PRDM12: variants seen among roughly 807,000 people sequenced by gnomAD.
PRDM12 encodes the protein PR domain zinc finger protein 12.
A neutral mutation model predicts 29.6 loss-of-function variants in PRDM12; 17 were observed. That is an observed-to-expected ratio of 0.57 (90% confidence interval 0.39 to 0.86). The LOEUF is 0.86. PRDM12 is among the 40% of genes least tolerant of loss of function. PRDM12 has a pLI of 0.00. For synonymous variants in PRDM12, 231 were observed against 225.8 expected, an observed-to-expected ratio of 1.02 and a Z score of -0.21; for missense variants, 422 against 510.8, an observed-to-expected ratio of 0.83 and a Z score of 1.68.
chr9:130,676,912 CT>C (rs112791889), intron 3 of PRDM12, among the ~76,000 whole-genome samples: 2,250 of 149,546 alleles, frequency 0.015, 48 homozygotes, highest in African/African-American at 0.049. Flanking sequence ...CCTTCTTCTT[CT>C]TTTTTTTTTC....
rs1830915003 is a variant in PRDM12, at chr9:130,682,383, G to A, written c.*714G>A. 6.6e-6 allele frequency: 1 copy of A among 152,344 alleles called. No homozygotes were observed. The highest frequency in any genetic ancestry group is 6.5e-5 in the Admixed American group (1 of 15,270). 9.4% of individuals were successfully genotyped at this position (152,344 alleles called of 1,614,324 possible). A position where few individuals can be genotyped will look rare whatever the true frequency, so the allele number is the denominator to read the frequency against. Reference sequence around the variant, plus strand: ...GGCACGTTGAGAGTGGAGGCACAATGGAAATCCTCTGTGGGACCCCGAGCA... The same window carrying A: ...GGCACGTTGAGAGTGGAGGCACAATAGAAATCCTCTGTGGGACCCCGAGCA... On this transcript the variant is annotated 3_prime_UTR_variant, in exon 5 of 5. Transcript: ENST00000253008. This position sits in a 1 kb window ranked among gnomAD's most constrained non-coding sequence, Gnocchi z 4.2.
chr9:130,673,914 G>A (rs571484022), intron 3 of PRDM12, among the ~76,000 whole-genome samples: 14 of 151,102 alleles, frequency 9.3e-5, no homozygotes, highest in African/African-American at 2.7e-4. Context: ...CAGGTGATTC[G>A]CCCACCTTGG....
In PRDM12 at chr9:130,664,782, C is replaced by A; in HGVS notation, c.129C>A (p.Asn43Lys). 6.2e-7 allele frequency: 1 copy of A among 1,603,428 alleles called. No individual in the cohort carries two copies. The highest frequency in any genetic ancestry group is 8.5e-7 in the Non-Finnish European group (1 of 1,176,446). The change falls in exon 1 of 5, where the codon AAC becomes AAA. Residue 43 changes from asparagine (N) to lysine (K), a missense_variant. This residue lies in a region of PRDM12 where 300 missense variants were observed against 350.0 expected (regional missense o/e 0.86). Coordinates refer to ENST00000253008, the MANE Select transcript of PRDM12 (RefSeq NM_021619.3). This position sits in a 1 kb window ranked among gnomAD's most constrained non-coding sequence, Gnocchi z 6.4. ...GCTTCCTGTACGGCCGCTGGCGCAA[C>A]GTGCTCGGGGAGCAGCTCTTCGAGG... Reference protein sequence around the residue: ...LHSFLYGRWRNVLGEQLFEDK... With the variant: ...LHSFLYGRWRKVLGEQLFEDK...
intron 3 of PRDM12, among the ~76,000 whole-genome samples, chr9:130,671,415 A>ACACG (rs1830788614): frequency 1.3e-5 from 2 of 150,234 alleles, no homozygotes; most frequent in Non-Finnish European, 3.0e-5. Flanking sequence ...ACACACACAC[A>ACACG]CACTGTATCA....
At chr9:130,678,382 G>A in intron 3 of PRDM12, 147 bp from the exon 4 acceptor site, 1 of 610,906 alleles carries the variant, frequency 1.6e-6, no homozygotes, top group Non-Finnish European at 2.9e-6. Context: ...AGCTTCCCGG[G>A]ACAGCTCAGT....
At chr9:130,671,420 G>T (rs1293771983) in intron 3 of PRDM12, among the ~76,000 whole-genome samples, 1 of 119,660 alleles carries the variant, frequency 8.4e-6, no homozygotes, top group African/African-American at 2.9e-5. Context: ...CACACACACT[G>T]TATCACATAT....
At chr9:130,671,810 G>A (rs1029181761) in intron 3 of PRDM12, among the ~76,000 whole-genome samples, 2 of 152,202 alleles carry the variant, frequency 1.3e-5, no homozygotes, top group South Asian at 2.1e-4. Context: ...GACCTCTGCT[G>A]TGATGTTTTC....
intron 3 of PRDM12, among the ~76,000 whole-genome samples, chr9:130,671,374 GACACACACACACACACACACACACAC>G (rs56920587): frequency 7.4e-6 from 1 of 135,644 alleles, no homozygotes; most frequent in Admixed American, 7.5e-5. Context: ...AGAGGATCAG[GACACACACACACACACACACACACAC>G]ACACACACAC....
intron 3 of PRDM12, among the ~76,000 whole-genome samples, chr9:130,673,311 G>A (rs1830805792): frequency 6.6e-6 from 1 of 152,202 alleles, no homozygotes; most frequent in African/African-American, 2.4e-5. Context: ...AGAAGCTGCA[G>A]GTTCCTGGGT....
chr9:130,679,401 T>G (rs558471590), intron 4 of PRDM12, among the ~76,000 whole-genome samples: 4 of 149,040 alleles, frequency 2.7e-5, no homozygotes, highest in African/African-American at 1.0e-4. Flanking sequence ...GGCGTGATCT[T>G]GGCTCATTGC....
intron 3 of PRDM12, among the ~76,000 whole-genome samples, chr9:130,671,389 A>G (rs1830787988): frequency 6.6e-6 from 1 of 151,268 alleles, no homozygotes; most frequent in African/African-American, 2.4e-5. Context: ...ACACACACAC[A>G]CACACACACA....
chr9:130,667,728 G>A (rs1000537767), intron 2 of PRDM12, among the ~76,000 whole-genome samples: 1 of 152,154 alleles, frequency 6.6e-6, no homozygotes, highest in Non-Finnish European at 1.5e-5. Flanking sequence ...AGGCCAAGCT[G>A]GAGTGCCACA....
In PRDM12 at chr9:130,668,077, A is replaced by AGT. The variant is rs1830749822; in HGVS notation, c.415-71_415-70dup. 88 of 1,481,848 alleles carry AGT rather than the reference A, an allele frequency of 5.9e-5. No homozygotes were observed. Among genetic ancestry groups the AGT allele is most frequent in the Non-Finnish European group, 7.0e-5 (75 of 1,073,076 alleles). 91.8% of individuals were successfully genotyped at this position (1,481,848 alleles called of 1,614,324 possible). A position where few individuals can be genotyped will look rare whatever the true frequency, so the allele number is the denominator to read the frequency against. Reference sequence around the variant, plus strand: ...TCCTGGGGCTGTTGTGAGGATGGAGAGTGTGTGTGTGGATGTGCCTGGAAG... The same window carrying AGT: ...TCCTGGGGCTGTTGTGAGGATGGAGAGTGTGTGTGTGTGGATGTGCCTGGAAG... On this transcript the variant is annotated intron_variant, in intron 2 of 4. Coordinates refer to ENST00000253008, the MANE Select transcript of PRDM12 (RefSeq NM_021619.3). This position sits in a 1 kb window ranked among gnomAD's most constrained non-coding sequence, Gnocchi z 4.0.
chr9:130,678,791 G>A (rs572038496), intron 4 of PRDM12, 151 bp downstream of exon 4: 5 of 644,384 alleles, frequency 7.8e-6, no homozygotes, highest in Non-Finnish European at 1.3e-5. Context: ...AGACATACAG[G>A]TCCAAGGAGG....
In PRDM12 at chr9:130,674,532, GTA is replaced by G. The variant is rs10667683; in HGVS notation, c.571-3994_571-3993del. 6.3e-3 allele frequency among the ~76,000 whole-genome samples: 907 copies of G among 144,764 alleles called. 9 individuals carry two copies. The highest frequency in any genetic ancestry group is 0.01 in the Middle Eastern group (3 of 286). 95.0% of individuals were successfully genotyped at this position (144,764 alleles called of 152,430 possible). ...TGTGTGTGTGTGTGTGTGTGTGTGT[GTA>G]TAGAAGTAATATGTGCTCATTATTT... On this transcript the variant is annotated intron_variant, in intron 3 of 4. Coordinates refer to ENST00000253008, the MANE Select transcript of PRDM12 (RefSeq NM_021619.3).
Position 130,681,145 on chromosome 9 carries a change from C to A in PRDM12, c.683-103C>A. ...CCCTCAAGGACGGACCGGCCCCGGG[C>A]TGGGGGCGCTGAGGGCCCGGGCTGC... On this transcript the variant is annotated intron_variant, in intron 4 of 4. Transcript: ENST00000253008. The surrounding 1 kb of genome is among the most constrained non-coding windows in gnomAD (Gnocchi z 8.1). The A allele has an allele frequency of 8.2e-7, 1 of 1,212,284 alleles. No homozygotes were observed. Among genetic ancestry groups the A allele is most frequent in the Non-Finnish European group, 1.1e-6 (1 of 933,132 alleles). 75.1% of individuals were successfully genotyped at this position (1,212,284 alleles called of 1,614,324 possible). A position where few individuals can be genotyped will look rare whatever the true frequency, so the allele number is the denominator to read the frequency against.
rs1476750147 is a variant in PRDM12 at position 130,666,657 on chromosome 9, T to C, written c.273T>C (p.Ala91=). The change falls in exon 2 of 5, where the codon GCT becomes GCC. Residue 91 remains alanine (A), a synonymous_variant. Transcript: ENST00000253008. ...TGCTGCCTGCGGAGGTGATCATCGC[T>C]CAGAGCTCCATCCCTGGCGAGGGCC... ...SLVLPAEVII[A]QSSIPGEGLG... is the part of the protein sequence containing the mutation. The C allele has an allele frequency of 3.1e-6, 5 of 1,613,070 alleles. No homozygotes were observed. The African/African-American group carries it at 5.3e-5, about 17-fold the overall frequency.
Position 130,681,393 on chromosome 9 carries a change from C to T in PRDM12, c.828C>T (p.Cys276=). The T allele has an allele frequency of 6.3e-7, 1 of 1,593,826 alleles. No individual in the cohort carries two copies. The change falls in exon 5 of 5, where the codon TGC becomes TGT. Residue 276 remains cysteine (C), a synonymous_variant. Transcript: ENST00000253008. The surrounding 1 kb of genome is among the most constrained non-coding windows in gnomAD (Gnocchi z 8.1). ...TLDKPFVCRF[C]NRRFSQSSTL... is the part of the protein sequence containing the mutation. ...ACAAGCCCTTCGTGTGCCGCTTCTG[C>T]AACCGCCGCTTCAGCCAGTCGTCCA...
chr9:130,668,603 G>A lies in PRDM12; in HGVS notation c.570+290G>A, dbSNP rs1267398268. On this transcript the variant is annotated intron_variant, in intron 3 of 4. Coordinates refer to ENST00000253008, the MANE Select transcript of PRDM12 (RefSeq NM_021619.3). This position sits in a 1 kb window ranked among gnomAD's most constrained non-coding sequence, Gnocchi z 4.0. ...GAGCATCTCCATAGTGAGGTCCCCA[G>A]ATGTTGGCTGACAGTTTCCTGAGGT... is the stretch of plus-strand genomic sequence containing the variant. Among the ~76,000 whole-genome samples, 1 of 152,258 alleles carries A rather than the reference G, an allele frequency of 6.6e-6. No individual in the cohort carries two copies. Among genetic ancestry groups the A allele is most frequent in the Non-Finnish European group, 1.5e-5 (1 of 68,052 alleles).
Sources: gnomAD v4.1 joint callset for allele counts (sites outside exome capture counted in the v4.1 genomes callset) on GRCh38, gnomAD v4.1.1 for gene constraint, gnomAD v4.1.1 regional missense constraint, Gnocchi (gnomAD v3.1) non-coding constraint, MANE v1.5 for transcripts, NCBI Gene and HGNC (gene_info 2026-07-23, HGNC 2026-07-21) for gene names.